ABI1: variants seen among roughly 807,000 people sequenced by gnomAD.
ABI1 encodes the protein Abelson interactor 1.
Under a neutral mutation model 54.6 loss-of-function variants are expected in ABI1, and 14 were observed. The observed-to-expected ratio is 0.26, with a 90% CI of 0.17 to 0.40. ABI1 has a LOEUF of 0.40. ABI1 is among the 10% of genes least tolerant of loss of function. The probability of loss-of-function intolerance (pLI) is 1.00; values close to 1 mark genes in which losing one functional copy is unlikely to be tolerated. For synonymous variants in ABI1, 194 were observed against 209.3 expected, an observed-to-expected ratio of 0.93 and a Z score of 0.63; for missense variants, 443 against 598.3, an observed-to-expected ratio of 0.74 and a Z score of 2.71.
rs397724445 is a variant in ABI1 at position 26,851,348 on chromosome 10, A to ATTTTTTTTTTTTTTTTTTTTTT, written c.117+9377_117+9398dup. Among the ~76,000 whole-genome samples the ATTTTTTTTTTTTTTTTTTTTTT allele has an allele frequency of 1.2e-4, 8 of 67,810 alleles. 1 individual carries two copies. The highest frequency in any genetic ancestry group is 5.1e-4 in the African/African-American group (8 of 15,546). 44.5% of individuals were successfully genotyped at this position (67,810 alleles called of 152,430 possible). On this transcript the variant is annotated intron_variant, in intron 1 of 10. Transcript: ENST00000376140. ...GTAGCTGGGACTACAGACTAAGCTAATTTTTTTTTTTTTTTTTTTTTTTTT... is the reference window on the plus strand; with the variant it reads ...GTAGCTGGGACTACAGACTAAGCTAATTTTTTTTTTTTTTTTTTTTTTTTTTTTTTTTTTTTTTTTTTTTTTT...
intron 3 of ABI1, among the ~76,000 whole-genome samples, chr10:26,771,435 A>G (rs991416306): frequency 4.6e-5 from 7 of 152,222 alleles, no homozygotes; most frequent in Non-Finnish European, 7.4e-5. Flanking sequence ...TACAAACACC[A>G]TAACACATTA....
intron 2 of ABI1, among the ~76,000 whole-genome samples, chr10:26,817,439 T>C (rs545358997): frequency 3.5e-4 from 53 of 152,310 alleles, no homozygotes; most frequent in Non-Finnish European, 5.9e-4. Flanking sequence ...TCTATATCAA[T>C]TTTGTCCTAA....
chr10:26,800,499 C>T (rs1055606665), intron 2 of ABI1, among the ~76,000 whole-genome samples: 2 of 152,110 alleles, frequency 1.3e-5, no homozygotes, highest in Non-Finnish European at 1.5e-5. Context: ...CAAGGTCAGC[C>T]GCGCACGGTG....
chr10:26,859,218 C>A (rs2051099198), intron 1 of ABI1, among the ~76,000 whole-genome samples: 1 of 151,956 alleles, frequency 6.6e-6, no homozygotes, highest in Non-Finnish European at 1.5e-5. Flanking sequence ...GTTCACTTAT[C>A]AGGAGAATTC....
At chr10:26,818,847 G>A (rs755662769) in intron 2 of ABI1, among the ~76,000 whole-genome samples, 2 of 151,896 alleles carry the variant, frequency 1.3e-5, no homozygotes, top group Non-Finnish European at 2.9e-5. Flanking sequence ...AAAATTAGCC[G>A]GGCATGGTGG....
intron 7 of ABI1, among the ~76,000 whole-genome samples, chr10:26,764,391 T>C (rs977139848): frequency 2.0e-5 from 3 of 152,184 alleles, no homozygotes; most frequent in Admixed American, 6.5e-5. Context: ...ATTTATTGCA[T>C]TTTACTGAAA....
intron 10 of ABI1, among the ~76,000 whole-genome samples, chr10:26,750,311 T>C (rs984054574): frequency 2.6e-5 from 4 of 152,146 alleles, no homozygotes; most frequent in Non-Finnish European, 4.4e-5. Flanking sequence ...CTGGCCAACA[T>C]GGCAAAACCC....
At chr10:26,751,847 C>G in intron 9 of ABI1, 64 bp from the exon 10 acceptor site, 2 of 1,422,744 alleles carry the variant, frequency 1.4e-6, no homozygotes, top group South Asian at 3.0e-5. Flanking sequence ...TATAAGTTAA[C>G]AGAATTTAAG....
chr10:26,775,226 G>T (rs1264246360), intron 3 of ABI1, among the ~76,000 whole-genome samples: 1 of 152,066 alleles, frequency 6.6e-6, no homozygotes, highest in Non-Finnish European at 1.5e-5. Flanking sequence ...AAATAAAGCA[G>T]CATTAAGACT....
At chr10:26,787,933 T>G (rs535920236) in intron 2 of ABI1, among the ~76,000 whole-genome samples, 128 of 152,302 alleles carry the variant, frequency 8.4e-4, no homozygotes, top group Non-Finnish European at 1.7e-3. Flanking sequence ...TTTTGCTTAT[T>G]GGATATAACA....
At chr10:26,759,314 G>T in intron 7 of ABI1, 76 bp from the exon 8 acceptor site, 1 of 1,221,746 alleles carries the variant, frequency 8.2e-7, no homozygotes, top group Non-Finnish European at 1.1e-6. Flanking sequence ...GAACAAAGCA[G>T]GAGGGGGCCT....
chr10:26,802,697 A>G (rs958078298), intron 2 of ABI1, among the ~76,000 whole-genome samples: 3 of 152,216 alleles, frequency 2.0e-5, no homozygotes, highest in Admixed American at 2.0e-4. Context: ...AAGGGGTGGG[A>G]GAGATTACAA....
chr10:26,760,404 A>G (rs1588771049), intron 7 of ABI1, among the ~76,000 whole-genome samples: 1 of 152,214 alleles, frequency 6.6e-6, no homozygotes, highest in African/African-American at 2.4e-5. Context: ...AAAACCATAC[A>G]GCAGAGGTTG....
intron 2 of ABI1, among the ~76,000 whole-genome samples, chr10:26,810,805 A>G (rs1276638445): frequency 6.7e-6 from 1 of 148,276 alleles, no homozygotes; most frequent in East Asian, 1.9e-4. Context: ...AGTTTAGTAC[A>G]CCTGTTCTTT....
At chr10:26,822,211 C>A (rs1478117367) in intron 2 of ABI1, among the ~76,000 whole-genome samples, 1 of 152,042 alleles carries the variant, frequency 6.6e-6, no homozygotes, top group Non-Finnish European at 1.5e-5. Flanking sequence ...TCAACAAATG[C>A]AAAGAAGCGT....
intron 2 of ABI1, among the ~76,000 whole-genome samples, chr10:26,787,732 G>T (rs978735636): frequency 2.0e-5 from 3 of 151,900 alleles, no homozygotes; most frequent in Non-Finnish European, 4.4e-5. Flanking sequence ...CATAGCAAAA[G>T]CAGCAGTCTG....
chr10:26,772,567 C>T (rs1306778122), intron 3 of ABI1, among the ~76,000 whole-genome samples: 3 of 152,064 alleles, frequency 2.0e-5, no homozygotes, highest in African/African-American at 7.2e-5. Context: ...TGCTACTATG[C>T]AATGGTATAA....
At chr10:26,851,831 T>C (rs1273834833) in intron 1 of ABI1, among the ~76,000 whole-genome samples, 1 of 151,986 alleles carries the variant, frequency 6.6e-6, no homozygotes, top group Non-Finnish European at 1.5e-5. Context: ...ATTTTCTCTA[T>C]GAACCAAAAG....
At chr10:26,846,634 C>T (rs927801353) in intron 1 of ABI1, among the ~76,000 whole-genome samples, 5 of 152,082 alleles carry the variant, frequency 3.3e-5, no homozygotes, top group East Asian at 1.9e-4. Context: ...GGAGCCACTG[C>T]GCCCAGCCTT....
Sources: gnomAD v4.1 joint callset for allele counts (sites outside exome capture counted in the v4.1 genomes callset) on GRCh38, gnomAD v4.1.1 for gene constraint, MANE v1.5 for transcripts, NCBI Gene and HGNC (gene_info 2026-07-23, HGNC 2026-07-21) for gene names.